The following PRUNE2 variants were observed in gnomAD, a reference collection of about 807,000 sequenced individuals.
PRUNE2 encodes the protein prune homolog 2 with BCH domain.
In PRUNE2, 164 loss-of-function variants were observed where a neutral mutation model predicts 252.0. The ratio of observed to expected loss-of-function variants is 0.65; its 90% confidence interval spans 0.57 to 0.74. The LOEUF (loss-of-function observed/expected upper bound fraction) is 0.74, where lower values mean the gene tolerates loss of function less well. PRUNE2 is among the 30% of genes least tolerant of loss of function. The pLI is 0.00. For synonymous variants in PRUNE2, 1,292 were observed against 1,350.2 expected (o/e 0.96, Z 0.94); for missense variants, 3,495 against 3,711.0 (o/e 0.94, Z 1.51).
chr9:76,655,840 G>A (rs938085808), intron 9 of PRUNE2, among the ~76,000 whole-genome samples: 5 of 151,810 alleles, frequency 3.3e-5, no homozygotes, highest in African/African-American at 1.2e-4. Flanking sequence ...TTAACAACAG[G>A]GTCAATATAT....
At chr9:76,840,752 G>A (rs1479167675) in intron 4 of PRUNE2, among the ~76,000 whole-genome samples, 1 of 152,254 alleles carries the variant, frequency 6.6e-6, no homozygotes, top group African/African-American at 2.4e-5. Flanking sequence ...AGGCTGAGGC[G>A]GGCAGATCAC....
intron 6 of PRUNE2, among the ~76,000 whole-genome samples, chr9:76,728,254 T>C (rs768642421): frequency 3.9e-5 from 6 of 152,088 alleles, no homozygotes; most frequent in Admixed American, 3.3e-4. Context: ...TCAAAACCCA[T>C]TAAAACCCAT....
At chr9:76,760,771 A>G (rs1347151950) in intron 6 of PRUNE2, among the ~76,000 whole-genome samples, 1 of 152,182 alleles carries the variant, frequency 6.6e-6, no homozygotes, top group Non-Finnish European at 1.5e-5. Context: ...GATTTACTGC[A>G]TTCATGCCTA....
chr9:76,846,553 G>A lies in PRUNE2; in HGVS notation c.470C>T (p.Pro157Leu), dbSNP rs1319679062. ...AGCCAGTTGCTCGGTGATGAGCTCA[G>A]GAGCCTCTTGGAGAATCTCCTTTAG... The part of the protein sequence containing the change: ...LVLKEILQEA[P>L]ELITEQLAHR... The change falls in exon 4 of 19, where the codon CCT (proline) becomes CTT (leucine). Residue 157 changes from proline to leucine, a missense_variant. Coordinates refer to ENST00000376718, the MANE Select transcript of PRUNE2 (RefSeq NM_015225.3). 6.2e-7 allele frequency: 1 copy of A among 1,614,098 alleles called. No individual in the cohort carries two copies. The highest frequency in any genetic ancestry group is 8.5e-7 in the Non-Finnish European group (1 of 1,179,988).
At chr9:76,667,318 T>C (rs943325003) in intron 9 of PRUNE2, among the ~76,000 whole-genome samples, 2 of 152,216 alleles carry the variant, frequency 1.3e-5, no homozygotes, top group Non-Finnish European at 2.9e-5. Context: ...AAGTAGACCA[T>C]TGTTTTTCTT....
chr9:76,835,760 A>G (rs1227768275), intron 4 of PRUNE2, among the ~76,000 whole-genome samples: 1 of 152,186 alleles, frequency 6.6e-6, no homozygotes, highest in Non-Finnish European at 1.5e-5. Context: ...GAGAAAAAAA[A>G]TATCTGGCTC....
At chr9:76,746,630 G>A (rs375461578) in intron 6 of PRUNE2, among the ~76,000 whole-genome samples, 1,614 of 146,974 alleles carry the variant, frequency 0.011, 25 homozygotes, top group African/African-American at 0.037. Context: ...GCGTGAACCC[G>A]GGAAGCGGAG....
intron 6 of PRUNE2, among the ~76,000 whole-genome samples, chr9:76,745,747 C>G (rs989573317): frequency 6.6e-6 from 1 of 152,194 alleles, no homozygotes; most frequent in East Asian, 1.9e-4. Flanking sequence ...TGTAGTTCCC[C>G]TGCTTTGATA....
chr9:76,662,649 G>T (rs1299038124), intron 9 of PRUNE2, among the ~76,000 whole-genome samples: 1 of 152,194 alleles, frequency 6.6e-6, no homozygotes, highest in Non-Finnish European at 1.5e-5. Context: ...GACAGACACG[G>T]ATATCCAGCA....
rs538196260 is a variant in PRUNE2 at position 76,709,032 on chromosome 9, T to C, written c.3242A>G (p.Asp1081Gly). The C allele has an allele frequency of 6.2e-7, 1 of 1,613,808 alleles. No individual in the cohort carries two copies. Among genetic ancestry groups the C allele is most frequent in the Non-Finnish European group, 8.5e-7 (1 of 1,179,856 alleles). The change falls in exon 8 of 19, where the codon GAC becomes GGC. Residue 1081 changes from aspartate (D) to glycine (G), a missense_variant. Transcript: ENST00000376718. Reference sequence around the variant, plus strand: ...ATTGTACAGTTGCATCATGCTGGGGTCGTCGTAACTGGACTGGCTGCTTTC... The same window carrying C: ...ATTGTACAGTTGCATCATGCTGGGGCCGTCGTAACTGGACTGGCTGCTTTC... ...VGESSQSSYD[D>G]PSMMQLYNET...
At position 76,708,310 on chromosome 9, in the gene PRUNE2, C is replaced by G. The variant is rs373021125; in HGVS notation, c.3964G>C (p.Gly1322Arg). The change falls in exon 8 of 19, where the codon GGA (glycine) becomes CGA (arginine). Residue 1322 changes from glycine (G) to arginine (R), a missense_variant. Transcript: ENST00000376718. ...GCTTCCTTCTCACTTTCACTTTGTC[C>G]ATCGCCATGACCTTTCCATGGATCT... ...HPDPWKGHGD[G>R]QSESEKEAQG... 17 of 1,613,692 alleles carry G rather than the reference C, an allele frequency of 1.1e-5. No homozygotes were observed. The highest frequency in any genetic ancestry group is 1.3e-5 in the Non-Finnish European group (15 of 1,179,888).
intron 9 of PRUNE2, chr9:76,692,468 A>T (rs1055867317): frequency 7.0e-5 from 11 of 157,696 alleles, no homozygotes; most frequent in Non-Finnish European, 9.2e-5. Flanking sequence ...CCTCTTTTTA[A>T]AAAAAAATCC....
chr9:76,663,372 A>G (rs978297710), intron 9 of PRUNE2, among the ~76,000 whole-genome samples: 1 of 152,350 alleles, frequency 6.6e-6, no homozygotes, highest in Admixed American at 6.5e-5. Context: ...AACTGACTGC[A>G]CACAGTAGGA....
chr9:76,774,469 T>TATTTATTTATTTATTTATTTATTTA (rs1172601108), intron 6 of PRUNE2, among the ~76,000 whole-genome samples: 1 of 140,088 alleles, frequency 7.1e-6, no homozygotes, highest in African/African-American at 2.7e-5. Context: ...TTTTTTTTTT[T>TATTTATTTATTTATTTATTTATTTA]TTTTTTTTGA....
At chr9:76,717,599 A>G (rs1307449799) in intron 6 of PRUNE2, among the ~76,000 whole-genome samples, 3 of 152,124 alleles carry the variant, frequency 2.0e-5, no homozygotes, top group African/African-American at 4.8e-5. Context: ...TTAAAATTAT[A>G]TACGTGCATA....
chr9:76,650,872 G>A (rs1847107765), intron 11 of PRUNE2, among the ~76,000 whole-genome samples: 2 of 152,132 alleles, frequency 1.3e-5, no homozygotes, highest in Admixed American at 6.5e-5. Context: ...GTGTGACAAA[G>A]CTCTCCTGAC....
At chr9:76,829,418 A>G (rs557651329) in intron 4 of PRUNE2, among the ~76,000 whole-genome samples, 1 of 152,330 alleles carries the variant, frequency 6.6e-6, no homozygotes, top group Admixed American at 6.5e-5. Context: ...CCGGTTTTGA[A>G]ACAGGACCCC....
chr9:76,837,466 A>AATAATAATAATAATG (rs1396724594), intron 4 of PRUNE2, among the ~76,000 whole-genome samples: 1 of 69,634 alleles, frequency 1.4e-5, no homozygotes, highest in Non-Finnish European at 2.8e-5. Flanking sequence ...TAATAATAAT[A>AATAATAATAATAATG]ATAATAATAA....
chr9:76,850,454 G>A lies in PRUNE2; in HGVS notation c.344+9C>T. On this transcript the variant is annotated intron_variant, in intron 3 of 18. Coordinates refer to ENST00000376718, the MANE Select transcript of PRUNE2 (RefSeq NM_015225.3). ...GGATTAAACCTCAGAGCTTCACAGT[G>A]GATCTTACCTCGCCAGCACACTGCT... 3 of 1,609,138 alleles carry A rather than the reference G, an allele frequency of 1.9e-6. No individual in the cohort carries two copies. Among genetic ancestry groups the A allele is most frequent in the Non-Finnish European group, 2.6e-6 (3 of 1,175,528 alleles).
Sources: gnomAD v4.1 joint callset for allele counts (sites outside exome capture counted in the v4.1 genomes callset) on GRCh38, gnomAD v4.1.1 for gene constraint, MANE v1.5 for transcripts, NCBI Gene and HGNC (gene_info 2026-07-23, HGNC 2026-07-21) for gene names.